Variants in VDR observed in about 807,000 individuals in gnomAD.
VDR encodes the protein vitamin D receptor.
A neutral mutation model predicts 39.7 loss-of-function variants in VDR; 19 were observed. The ratio of observed to expected loss-of-function variants is 0.48; its 90% CI spans 0.33 to 0.70. The LOEUF (loss-of-function observed/expected upper bound fraction) is 0.70, where lower values mean the gene tolerates loss of function less well. VDR is among the 30% of genes least tolerant of loss of function. The pLI, the probability that VDR is intolerant of heterozygous loss-of-function variation, is 0.02. For synonymous variants in VDR, 242 were observed against 215.8 expected, an observed-to-expected ratio of 1.12 and a Z score of -1.07; for missense variants, 442 against 570.5, an observed-to-expected ratio of 0.77 and a Z score of 2.29.
intron 1 of VDR, chr12:47,896,929 T>A (rs1390558752): frequency 3.3e-5 from 5 of 152,238 alleles, no homozygotes; most frequent in Non-Finnish European, 5.9e-5. Context: ...AGATTGGAAC[T>A]GCCCCATTCA....
At chr12:47,890,264 G>A (rs969935093) in intron 1 of VDR, among the ~76,000 whole-genome samples, 6 of 150,722 alleles carry the variant, frequency 4.0e-5, no homozygotes, top group African/African-American at 9.8e-5. Flanking sequence ...ATTTTCTGAC[G>A]ACCACATGAG....
At chr12:47,871,361 T>TTC (rs56815600) in intron 3 of VDR, among the ~76,000 whole-genome samples, 14 of 140,992 alleles carry the variant, frequency 9.9e-5, no homozygotes, top group African/African-American at 1.8e-4. Context: ...TTTCTTTCCT[T>TTC]TCTCTCTCTC....
Position 47,842,677 on chromosome 12 carries a change from G to T in VDR, c.*2069C>A, listed in dbSNP as rs1400766808. The T allele has an allele frequency of 1.5e-5, 2 of 130,282 alleles. No individual in the cohort carries two copies. The allele number at this position is 130,282 out of a possible 1,614,324, so 8.1% of individuals were successfully genotyped here. The stretch of plus-strand genomic sequence containing the variant: ...AATAGAGACAGGGTTTCTCCATGTT[G>T]GTCAGGTTGGTCTCGAACTCCCGAC... On this transcript the variant is annotated 3_prime_UTR_variant, in exon 10 of 10. Transcript: ENST00000549336.
chr12:47,891,381 C>A (rs1034581060), intron 1 of VDR, among the ~76,000 whole-genome samples: 10 of 152,168 alleles, frequency 6.6e-5, no homozygotes, highest in African/African-American at 2.4e-4. Flanking sequence ...CTGTACCTGG[C>A]TTTAGTATAA....
rs1054913637 is a variant in VDR at position 47,904,946 on chromosome 12, G to A, written c.-84+9C>T. The A allele has an allele frequency of 2.9e-5, 6 of 203,440 alleles. No individual in the cohort carries two copies. The highest frequency in any genetic ancestry group is 6.0e-5 in the Non-Finnish European group (6 of 100,058). The allele number at this position is 203,440 out of a possible 1,614,324, so 12.6% of individuals were successfully genotyped here. ...GAGACCCCCTTTCCCGCTGCTCCCG[G>A]GTTCGCACCTGGTCCGGCCGGCGGG... On this transcript the variant is annotated intron_variant, in intron 1 of 9. Coordinates refer to ENST00000549336, the MANE Select transcript of VDR (RefSeq NM_000376.3).
At chr12:47,852,539 C>T (rs972943219) in intron 7 of VDR, among the ~76,000 whole-genome samples, 1 of 152,186 alleles carries the variant, frequency 6.6e-6, no homozygotes, top group African/African-American at 2.4e-5. Context: ...GCCAGAGGGG[C>T]CCTCGCTCCT....
intron 4 of VDR, among the ~76,000 whole-genome samples, chr12:47,859,000 A>T (rs922948625): frequency 6.6e-6 from 1 of 152,134 alleles, no homozygotes; most frequent in Non-Finnish European, 1.5e-5. Context: ...AGTAGACCAC[A>T]CCCAGGTGAC....
chr12:47,873,351 CTTT>C (rs71077177), intron 3 of VDR, among the ~76,000 whole-genome samples: 86 of 98,414 alleles, frequency 8.7e-4, no homozygotes, highest in African/African-American at 3.4e-3. Flanking sequence ...AACCTGTTTT[CTTT>C]TTTTTTTTTT....
chr12:47,861,676 C>A (rs535623718), intron 4 of VDR, among the ~76,000 whole-genome samples: 1 of 151,972 alleles, frequency 6.6e-6, no homozygotes, highest in Non-Finnish European at 1.5e-5. Context: ...GGTGATCAGG[C>A]GTCTAAAGTG....
intron 7 of VDR, among the ~76,000 whole-genome samples, chr12:47,847,258 G>A (rs1159105788): frequency 6.6e-6 from 1 of 152,028 alleles, no homozygotes; most frequent in East Asian, 1.9e-4. Context: ...TGTCTCTCAA[G>A]CCCGTGATCT....
At chr12:47,875,446 A>G (rs1945980602) in intron 3 of VDR, among the ~76,000 whole-genome samples, 1 of 152,226 alleles carries the variant, frequency 6.6e-6, no homozygotes, top group Non-Finnish European at 1.5e-5. Flanking sequence ...TACCCACCAC[A>G]GAGAAGGTAC....
intron 4 of VDR, among the ~76,000 whole-genome samples, chr12:47,858,611 G>A (rs1945546316): frequency 1.3e-5 from 2 of 152,276 alleles, no homozygotes; most frequent in African/African-American, 4.8e-5. Flanking sequence ...AGGGGATGCT[G>A]GGAGCAAAGG....
chr12:47,883,251 G>A (rs1336448611), intron 1 of VDR, among the ~76,000 whole-genome samples: 2 of 152,216 alleles, frequency 1.3e-5, no homozygotes, highest in African/African-American at 4.8e-5. Flanking sequence ...GGGCAGAGGA[G>A]GTGCCGCACA....
In VDR at chr12:47,844,670, G is replaced by C; in HGVS notation, c.*76C>G. ...CAGACGGGGTGAGGAGGGCTGCTGA[G>C]TAGCCGCCAGCCCCGGGCCTGGCAC... On this transcript the variant is annotated 3_prime_UTR_variant, in exon 10 of 10. Transcript: ENST00000549336. 2 of 1,596,016 alleles carry C rather than the reference G, an allele frequency of 1.3e-6. No individual in the cohort carries two copies. The highest frequency in any genetic ancestry group is 1.7e-6 in the Non-Finnish European group (2 of 1,169,142).
At position 47,872,442 on chromosome 12, in the gene VDR, C is replaced by A. The variant is rs539187884; in HGVS notation, c.146+6526G>T. On this transcript the variant is annotated intron_variant, in intron 3 of 9. Transcript: ENST00000549336. ...AAACATCTCATTAAGAATTTGAGAC[C>A]CCTGAAGCAGACACCATGTCTTAGG... Among the ~76,000 whole-genome samples the A allele has an allele frequency of 3.6e-4, 55 of 152,192 alleles. 1 individual carries two copies. Among genetic ancestry groups the A allele is most frequent in the Non-Finnish European group, 6.0e-4 (41 of 68,014 alleles).
At chr12:47,869,345 G>A (rs1391944793) in intron 3 of VDR, among the ~76,000 whole-genome samples, 1 of 151,798 alleles carries the variant, frequency 6.6e-6, no homozygotes, top group Non-Finnish European at 1.5e-5. Flanking sequence ...GACCATTGTG[G>A]CTAACACGGT....
chr12:47,857,443 G>C, intron 5 of VDR, 61 bp downstream of exon 5: 1 of 1,612,080 alleles, frequency 6.2e-7, no homozygotes, highest in Non-Finnish European at 8.5e-7. Context: ...TACTCCCTGG[G>C]CCCTGGCTCC....
chr12:47,890,186 A>G (rs1366903769), intron 1 of VDR, among the ~76,000 whole-genome samples: 1 of 151,540 alleles, frequency 6.6e-6, no homozygotes, highest in Non-Finnish European at 1.5e-5. Context: ...TCTAAAACAC[A>G]CAGCAGGAAG....
chr12:47,879,925 C>T (rs753907858), intron 2 of VDR, among the ~76,000 whole-genome samples: 8 of 152,126 alleles, frequency 5.3e-5, no homozygotes, highest in Admixed American at 2.6e-4. Context: ...AAGAGACAGA[C>T]GGAACGAAAG....
Sources: gnomAD v4.1 joint callset for allele counts (sites outside exome capture counted in the v4.1 genomes callset) on GRCh38, gnomAD v4.1.1 for gene constraint, MANE v1.5 for transcripts, NCBI Gene and HGNC (gene_info 2026-07-23, HGNC 2026-07-21) for gene names.